Variants in APC observed in about 807,000 individuals in gnomAD.
The protein encoded by APC is APC regulator of Wnt signaling pathway, also known as adenomatous polyposis coli protein.
In APC, 72 loss-of-function variants were observed where a neutral mutation model predicts 247.0. The ratio of observed to expected loss-of-function variants is 0.29; its 90% CI spans 0.24 to 0.35. APC has a LOEUF of 0.35. Among genes scored for constraint, APC ranks in the 10% least tolerant of loss-of-function variants. The pLI is 1.00. For synonymous variants in APC, 1,254 were observed against 1,162.5 expected (o/e 1.08, Z -1.60); for missense variants, 3,400 against 3,360.7 (o/e 1.01, Z -0.29).
intron 5 of APC, among the ~76,000 whole-genome samples, chr5:112,779,458 A>G (rs1005216747): frequency 3.3e-5 from 5 of 152,180 alleles, no homozygotes; most frequent in Non-Finnish European, 5.9e-5. Flanking sequence ...ATTTAATATG[A>G]TATATAAGAC....
chr5:112,757,983 G>A (rs966849606), intron 2 of APC, among the ~76,000 whole-genome samples: 6 of 152,276 alleles, frequency 3.9e-5, no homozygotes, highest in Middle Eastern at 3.4e-3. Flanking sequence ...CAAAGAAGTT[G>A]TATGATGCCT....
intron 5 of APC, among the ~76,000 whole-genome samples, chr5:112,779,265 T>C (rs1343326840): frequency 3.3e-5 from 5 of 152,184 alleles, no homozygotes; most frequent in African/African-American, 1.2e-4. Context: ...GTAGTTTTGC[T>C]TACCGTTAAT....
Position 112,827,196 on chromosome 5 carries a change from A to G in APC, c.1497A>G (p.Arg499=). The change falls in exon 12 of 16, where the codon CGA becomes CGG. Residue 499 remains arginine (R), a synonymous_variant. Transcript: ENST00000257430. Reference sequence around the variant, plus strand: ...ACCACTACAGTATTACACTAAGACGATATGCTGGAATGGCTTTGACAAACT... The same window carrying G: ...ACCACTACAGTATTACACTAAGACGGTATGCTGGAATGGCTTTGACAAACT... ...TNDHYSITLR[R]YAGMALTNLT... is the part of the protein sequence containing the mutation. 4 of 1,613,966 alleles carry G rather than the reference A, an allele frequency of 2.5e-6. No individual in the cohort carries two copies. Among genetic ancestry groups the G allele is most frequent in the Non-Finnish European group, 3.4e-6 (4 of 1,179,920 alleles).
At chr5:112,828,082 T>G in intron 13 of APC, 76 bp downstream of exon 13, 1 of 1,231,924 alleles carries the variant, frequency 8.1e-7, no homozygotes, top group South Asian at 1.3e-5. Flanking sequence ...TCACCCAGGC[T>G]TAGAGGGCAG....
chr5:112,843,381 C>A lies in APC; in HGVS notation c.7787C>A (p.Ser2596Ter), dbSNP rs2149993837. The A allele has an allele frequency of 6.2e-7, 1 of 1,613,736 alleles. No individual in the cohort carries two copies. The highest frequency in any genetic ancestry group is 8.5e-7 in the Non-Finnish European group (1 of 1,179,762). Reference protein sequence around the residue: ...SEDEKHVNSISGTKQSKENQV... With the variant: ...SEDEKHVNSI ...GATGAAAAACATGTGAACTCTATTT[C>A]AGGAACCAAACAAAGTAAAGAAAAC... The change falls in exon 16 of 16, where the codon TCA becomes TAA. Residue 2596 changes from serine (S) to a stop codon, truncating the protein, a stop_gained. Transcript: ENST00000257430. LOFTEE classifies it high-confidence loss of function. The surrounding 1 kb of genome is among the most constrained non-coding windows in gnomAD (Gnocchi z 4.8).
chr5:112,719,384 A>AT (rs903357963), intron 1 of APC, among the ~76,000 whole-genome samples: 1,925 of 146,806 alleles, frequency 0.013, 29 homozygotes, highest in Non-Finnish European at 0.014. Context: ...CGCCCGGCTA[A>AT]TTTTTTTTTT....
Position 112,766,406 on chromosome 5 carries a change from T to C in APC, c.216T>C (p.Leu72=), listed in dbSNP as rs1580324752. 8.1e-6 allele frequency: 13 copies of C among 1,605,704 alleles called. No homozygotes were observed. The highest frequency in any genetic ancestry group is 1.1e-5 in the Non-Finnish European group (13 of 1,172,694). ...GACAGATTGATTTATTAGAGCGTCT[T>C]AAAGGTAGATTTTAAAAAGGTGTTT... is the stretch of plus-strand genomic sequence containing the variant. The part of the protein sequence containing the change: ...SSGQIDLLER[L]KELNLDSSNF... Residue 72 remains leucine (L), a synonymous_variant, in exon 3 of 16, where the codon CTT becomes CTC. Transcript: ENST00000257430.
Position 112,843,304 on chromosome 5 carries a change from A to C in APC, c.7710A>C (p.Ser2570=), listed in dbSNP as rs2149992368. The C allele has an allele frequency of 6.2e-7, 1 of 1,613,020 alleles. No individual in the cohort carries two copies. Among genetic ancestry groups the C allele is most frequent in the East Asian group, 2.2e-5 (1 of 44,886 alleles). ...GCACTTGGAGAAGAACTGGAAGTTC[A>C]TCTTCAATTCTTTCTGCTTCATCAG... ...RVSTWRRTGS[S]SSILSASSES... is the part of the protein sequence containing the mutation. The change falls in exon 16 of 16, where the codon TCA becomes TCC. Residue 2570 remains serine (S), a synonymous_variant. Coordinates refer to ENST00000257430, the MANE Select transcript of APC (RefSeq NM_000038.6). This position sits in a 1 kb window ranked among gnomAD's most constrained non-coding sequence, Gnocchi z 4.8.
rs1447029052 is a variant in APC, at chr5:112,804,085, AACTGTCTTCTGCTTC to A, written c.834+2704_834+2718del. Among the ~76,000 whole-genome samples, 17 of 152,232 alleles carry A rather than the reference AACTGTCTTCTGCTTC, an allele frequency of 1.1e-4. No homozygotes were observed. The South Asian group carries it at 3.5e-3, about 32-fold the overall frequency. On this transcript the variant is annotated intron_variant, in intron 8 of 15. Coordinates refer to ENST00000257430, the MANE Select transcript of APC (RefSeq NM_000038.6). ...TCCACAGGACATTCCTTTGGTCTAA[AACTGTCTTCTGCTTC>A]AGTTCATATTATATGTTTTACTCAT...
intron 9 of APC, among the ~76,000 whole-genome samples, chr5:112,818,427 TA>T (rs1762727314): frequency 6.8e-6 from 1 of 146,122 alleles, no homozygotes; most frequent in African/African-American, 2.5e-5. Flanking sequence ...AAAATGTTTT[TA>T]AATTTATAAT....
chr5:112,730,152 A>C (rs551057048), intron 1 of APC, among the ~76,000 whole-genome samples: 2 of 152,332 alleles, frequency 1.3e-5, no homozygotes, highest in Admixed American at 1.3e-4. Context: ...GTAGATTCTA[A>C]AAGGACATTT....
At chr5:112,814,147 G>A (rs1318764202) in intron 8 of APC, among the ~76,000 whole-genome samples, 1 of 152,192 alleles carries the variant, frequency 6.6e-6, no homozygotes, top group Non-Finnish European at 1.5e-5. Flanking sequence ...TTTCCATTCT[G>A]CAAGGTTGAG....
At chr5:112,782,869 C>G (rs1758501619) in intron 6 of APC, among the ~76,000 whole-genome samples, 1 of 152,048 alleles carries the variant, frequency 6.6e-6, no homozygotes, top group Admixed American at 6.6e-5. Flanking sequence ...TACCATATAA[C>G]TGGCAAAGAA....
chr5:112,736,695 C>T (rs1448964149), upstream of APC, among the ~76,000 whole-genome samples: 1 of 152,152 alleles, frequency 6.6e-6, no homozygotes, highest in Non-Finnish European at 1.5e-5. Flanking sequence ...GTGGGCGGAT[C>T]ACAAGGTCAG....
At chr5:112,802,019 A>T (rs1760885582) in intron 8 of APC, among the ~76,000 whole-genome samples, 1 of 152,030 alleles carries the variant, frequency 6.6e-6, no homozygotes, top group Admixed American at 6.6e-5. Flanking sequence ...GTGCAATAGG[A>T]CAGAATTTTT....
chr5:112,810,118 T>C (rs902653515), intron 8 of APC: 1 of 456,070 alleles, frequency 2.2e-6, no homozygotes, highest in Non-Finnish European at 4.4e-6. Context: ...TTTATTTCTG[T>C]TTTTAAGATA....
At chr5:112,751,522 A>G (rs570648547) in intron 1 of APC, among the ~76,000 whole-genome samples, 1 of 151,926 alleles carries the variant, frequency 6.6e-6, no homozygotes, top group Admixed American at 6.5e-5. Flanking sequence ...TCTTTCTCAT[A>G]TATGTTTTGG....
chr5:112,738,185 G>T, intron 1 of APC: 1 of 738,268 alleles, frequency 1.4e-6, no homozygotes, highest in South Asian at 6.1e-5. Flanking sequence ...GCTGAGAAAA[G>T]CTGTTTTTGA....
At chr5:112,768,431 A>G (rs1756615757) in intron 4 of APC, among the ~76,000 whole-genome samples, 1 of 151,264 alleles carries the variant, frequency 6.6e-6, no homozygotes, top group East Asian at 1.9e-4. Context: ...ATTGAAGTAT[A>G]TTCAGTAACT....
Sources: gnomAD v4.1 joint callset for allele counts (sites outside exome capture counted in the v4.1 genomes callset) on GRCh38, gnomAD v4.1.1 for gene constraint, Gnocchi (gnomAD v3.1) non-coding constraint, MANE v1.5 for transcripts, NCBI Gene and HGNC (gene_info 2026-07-23, HGNC 2026-07-21) for gene names.